SPEF1: variants seen among roughly 807,000 people sequenced by gnomAD.
The protein encoded by SPEF1 is sperm flagella and cilia-associated protein 1.
In SPEF1, 30 loss-of-function variants were observed where a neutral mutation model predicts 31.8. The observed-to-expected ratio is 0.94, with a 90% confidence interval of 0.70 to 1.28. SPEF1 has a LOEUF of 1.28. Ranked by LOEUF, SPEF1 falls within the 50% of genes most tolerant of loss-of-function variation. The probability of loss-of-function intolerance (pLI) is 0.00; values close to 1 mark genes in which losing one functional copy is unlikely to be tolerated. For synonymous variants in SPEF1, 126 were observed against 130.1 expected (o/e 0.97, Z 0.21); for missense variants, 298 against 309.6 (o/e 0.96, Z 0.28).
chr20:3,781,127 C>T, intron 1 of SPEF1, 52 bp downstream of exon 1: 1 of 1,601,778 alleles, frequency 6.2e-7, no homozygotes, highest in Non-Finnish European at 8.5e-7. Context: ...CACAGAGACC[C>T]GTTACACACG....
chr20:3,778,858 T>C (rs1295260529), intron 4 of SPEF1, 52 bp from the exon 5 acceptor site: 6 of 1,608,388 alleles, frequency 3.7e-6, no homozygotes, highest in Admixed American at 3.3e-5. Flanking sequence ...ATTCTCCTGC[T>C]TCCCCCTCCC....
chr20:3,779,368 T>A lies in SPEF1; in HGVS notation c.222-16A>T. Reference sequence around the variant, plus strand: ...CAGTACCTTCCTGAGGGGTAGACATTGGGATAGCAGATTGGGTCCTGGGGA... The same window carrying A: ...CAGTACCTTCCTGAGGGGTAGACATAGGGATAGCAGATTGGGTCCTGGGGA... On this transcript the variant is annotated splice_polypyrimidine_tract_variant and intron_variant, in intron 2 of 6. Coordinates refer to ENST00000379756, the MANE Select transcript of SPEF1 (RefSeq NM_015417.5). 6.3e-7 allele frequency: 1 copy of A among 1,580,408 alleles called. No homozygotes were observed. The highest frequency in any genetic ancestry group is 1.7e-5 in the Admixed American group (1 of 57,664).
Position 3,778,028 on chromosome 20 carries a change from G to C in SPEF1, c.*184C>G, listed in dbSNP as rs986951018. The C allele has an allele frequency of 1.8e-6, 1 of 568,628 alleles. No individual in the cohort carries two copies. Among genetic ancestry groups the C allele is most frequent in the East Asian group, 3.0e-5 (1 of 33,542 alleles). The allele number at this position is 568,628 out of a possible 1,614,324, so 35.2% of individuals were successfully genotyped here. ...GCTCAGTCCCGGGCCTGCGCTCCTA[G>C]AGTTCCTGTCCCATCTCCTCCCACG... On this transcript the variant is annotated 3_prime_UTR_variant, in exon 7 of 7. Transcript: ENST00000379756.
chr20:3,779,404 G>A (rs915096344), intron 2 of SPEF1, 52 bp from the exon 3 acceptor site: 1 of 1,485,276 alleles, frequency 6.7e-7, no homozygotes. Context: ...AATGAAGCGA[G>A]GGGATGGGGG....
chr20:3,778,584 G>A (rs1429971662), intron 5 of SPEF1, 40 bp from the exon 6 acceptor site: 1 of 1,583,580 alleles, frequency 6.3e-7, no homozygotes, highest in East Asian at 2.3e-5. Flanking sequence ...TGGACCTCGG[G>A]CCCTACACTC....
At chr20:3,778,640 C>A (rs1390530730) in intron 5 of SPEF1, 96 bp from the exon 6 acceptor site, 1 of 1,569,094 alleles carries the variant, frequency 6.4e-7, no homozygotes, top group African/African-American at 1.4e-5. Context: ...CCCCCTCTAG[C>A]CCCTTTCCTG....
In SPEF1 at chr20:3,779,268, C is replaced by T. The variant is rs769254174; in HGVS notation, c.306G>A (p.Leu102=). The change falls in exon 3 of 7, where the codon CTG becomes CTA. Residue 102 remains leucine (L), a synonymous_variant. Transcript: ENST00000379756. ...IAQCAPGVVE[L]VLIPLRQRLE... is the part of the protein sequence containing the mutation. ...GGCGCTGCCTCAGCGGGATGAGCAC[C>T]AGCTCCACCACGCCTGGGGCGCACT... 1.9e-6 allele frequency: 3 copies of T among 1,597,662 alleles called. No homozygotes were observed. The highest frequency in any genetic ancestry group is 2.6e-6 in the Non-Finnish European group (3 of 1,171,488).
At position 3,778,216 on chromosome 20, in the gene SPEF1, C is replaced by G. The variant is rs1372395841; in HGVS notation, c.707G>C (p.Arg236Pro). The G allele has an allele frequency of 5.1e-6, 8 of 1,583,674 alleles. No individual in the cohort carries two copies. Among genetic ancestry groups the G allele is most frequent in the East Asian group, 4.6e-5 (2 of 43,062 alleles). The change falls in exon 7 of 7, where the codon CGG becomes CCG. Residue 236 changes from arginine to proline, a missense_variant. Coordinates refer to ENST00000379756, the MANE Select transcript of SPEF1 (RefSeq NM_015417.5). ...RRLQQAERKQ[R>P] Reference sequence around the variant, plus strand: ...CCGCGCGGCCCGGGCCGCCGCTCACCGCTGCTTACGCTCCGCCTGCTGGAG... The same window carrying G: ...CCGCGCGGCCCGGGCCGCCGCTCACGGCTGCTTACGCTCCGCCTGCTGGAG...
At chr20:3,781,155 A>T (rs1568493098) in intron 1 of SPEF1, 24 bp downstream of exon 1, 2 of 1,614,004 alleles carry the variant, frequency 1.2e-6, no homozygotes, top group Non-Finnish European at 1.7e-6. Context: ...AGGACAGAAC[A>T]TGCAGACACA....
rs1193192170 is a variant in SPEF1 at position 3,779,179 on chromosome 20, C to T, written c.378+17G>A. On this transcript the variant is annotated intron_variant, in intron 3 of 6. Coordinates refer to ENST00000379756, the MANE Select transcript of SPEF1 (RefSeq NM_015417.5). The stretch of plus-strand genomic sequence containing the variant: ...CCAGCCCCCAGAGCAGTGGGAGAAG[C>T]TGGAGCGGGGTGGCACCTGTAAGGA... The T allele has an allele frequency of 6.4e-7, 1 of 1,557,200 alleles. No homozygotes were observed. The highest frequency in any genetic ancestry group is 1.2e-5 in the South Asian group (1 of 85,562).
At chr20:3,778,863 C>G in intron 4 of SPEF1, 57 bp from the exon 5 acceptor site, 2 of 1,611,062 alleles carry the variant, frequency 1.2e-6, no homozygotes, top group Non-Finnish European at 1.7e-6. Context: ...CCTGCTTCCC[C>G]CTCCCTACTT....
Position 3,781,430 on chromosome 20 carries a change from A to AC in SPEF1, c.-144_-143insG. 1 of 1,298,134 alleles carries AC rather than the reference A, an allele frequency of 7.7e-7. No homozygotes were observed. The highest frequency in any genetic ancestry group is 1.0e-6 in the Non-Finnish European group (1 of 969,676). 80.4% of individuals were successfully genotyped at this position (1,298,134 alleles called of 1,614,324 possible). On this transcript the variant is annotated 5_prime_UTR_variant, in exon 1 of 7. It introduces an in-frame stop codon into an upstream open reading frame of the 5' UTR. Coordinates refer to ENST00000379756, the MANE Select transcript of SPEF1 (RefSeq NM_015417.5). ...TCCAGAGACTCACGTCCCAGCTGGG[A>AC]GCGGCCATATTGTTTTCTGAAACCA...
rs1020394540 is a variant in SPEF1, at chr20:3,778,010, C to G, written c.*202G>C. The G allele has an allele frequency of 7.2e-6, 4 of 553,732 alleles. No homozygotes were observed. Among genetic ancestry groups the G allele is most frequent in the South Asian group, 4.5e-5 (2 of 44,108 alleles). The allele number at this position is 553,732 out of a possible 1,614,324, so 34.3% of individuals were successfully genotyped here. ...CCGGAGTGGTAGGAGGCGGCTCAGT[C>G]CCGGGCCTGCGCTCCTAGAGTTCCT... is the stretch of plus-strand genomic sequence containing the variant. On this transcript the variant is annotated 3_prime_UTR_variant, in exon 7 of 7. Coordinates refer to ENST00000379756, the MANE Select transcript of SPEF1 (RefSeq NM_015417.5).
Position 3,777,862 on chromosome 20 carries a change from G to C in SPEF1, c.*350C>G. ...ACAGAGCCAAGGGACCGCCCCCCAA[G>C]GCCCAGCGCCGGGAGATGCAAGGCC... On this transcript the variant is annotated 3_prime_UTR_variant, in exon 7 of 7. Transcript: ENST00000379756. This position sits in a 1 kb window ranked among gnomAD's most constrained non-coding sequence, Gnocchi z 4.1. 2 of 214,376 alleles carry C rather than the reference G, an allele frequency of 9.3e-6. No homozygotes were observed. The highest frequency in any genetic ancestry group is 5.4e-5 in the Admixed American group (1 of 18,434). The allele number at this position is 214,376 out of a possible 1,614,324, so 13.3% of individuals were successfully genotyped here.
chr20:3,777,952 C>G lies in SPEF1; in HGVS notation c.*260G>C, dbSNP rs1189970849. The G allele has an allele frequency of 2.1e-6, 1 of 467,046 alleles. No homozygotes were observed. The highest frequency in any genetic ancestry group is 3.8e-6 in the Non-Finnish European group (1 of 261,464). The allele number at this position is 467,046 out of a possible 1,614,324, so 28.9% of individuals were successfully genotyped here. A position where few individuals can be genotyped will look rare whatever the true frequency, so the allele number is the denominator to read the frequency against. ...GGTCTCTGCACGTGGCTTCTGGGCT[C>G]TGGAAAGCGGTCCATTCTCCTGACC... On this transcript the variant is annotated 3_prime_UTR_variant, in exon 7 of 7. Coordinates refer to ENST00000379756, the MANE Select transcript of SPEF1 (RefSeq NM_015417.5). The surrounding 1 kb of genome is among the most constrained non-coding windows in gnomAD (Gnocchi z 4.1).
intron 1 of SPEF1, among the ~76,000 whole-genome samples, chr20:3,780,951 AC>A (rs199556015): frequency 7.1e-4 from 108 of 151,594 alleles, no homozygotes; most frequent in Middle Eastern, 6.8e-3. Context: ...AGTTAGAGGC[AC>A]CCCCCCCAAC....
In SPEF1 at chr20:3,778,420, C is replaced by T. The variant is rs914120246; in HGVS notation, c.603+1G>A. On this transcript the variant is annotated splice_donor_variant, in intron 6 of 6. Coordinates refer to ENST00000379756, the MANE Select transcript of SPEF1 (RefSeq NM_015417.5). LOFTEE classifies it high-confidence loss of function. ...ACCCGCAGCCTTCCTAGACCCCTCA[C>T]CTGCACGGTCTCTTGAGAGGCCAAC... The T allele has an allele frequency of 1.2e-6, 2 of 1,614,008 alleles. No individual in the cohort carries two copies. Among genetic ancestry groups the T allele is most frequent in the African/African-American group, 1.3e-5 (1 of 75,070 alleles).
chr20:3,779,171 G>T, intron 3 of SPEF1, 25 bp downstream of exon 3: 1 of 1,554,198 alleles, frequency 6.4e-7, no homozygotes, highest in East Asian at 2.4e-5. Flanking sequence ...CCAGAGCAGT[G>T]GGAGAAGCTG....
intron 1 of SPEF1, among the ~76,000 whole-genome samples, chr20:3,780,889 T>G (rs1351341084): frequency 6.6e-6 from 1 of 151,996 alleles, no homozygotes; most frequent in African/African-American, 2.4e-5. Context: ...CATACAGAAA[T>G]GCATAAATAC....
Sources: allele counts gnomAD v4.1 joint callset (sites outside exome capture counted in the v4.1 genomes callset), GRCh38; gene constraint gnomAD v4.1.1; non-coding constraint Gnocchi (gnomAD v3.1); transcripts MANE v1.5; gene names NCBI Gene and HGNC (gene_info 2026-07-23, HGNC 2026-07-21).